ST3GAL1: variants seen among roughly 807,000 people sequenced by gnomAD.
The protein encoded by ST3GAL1 is CMP-N-acetylneuraminate-beta-galactosamide-alpha-2,3-sialyltransferase 1.
In ST3GAL1, 16 loss-of-function variants were observed where a neutral mutation model predicts 34.1. The ratio of observed to expected loss-of-function variants is 0.47; its 90% CI spans 0.32 to 0.71. ST3GAL1 has a LOEUF of 0.71. ST3GAL1 is among the 30% of genes least tolerant of loss of function. ST3GAL1 has a pLI of 0.04. For synonymous variants in ST3GAL1, 191 were observed against 184.7 expected (o/e 1.03, Z -0.28); for missense variants, 353 against 447.4 (o/e 0.79, Z 1.90).
intron 2 of ST3GAL1, among the ~76,000 whole-genome samples, chr8:133,542,779 C>CAAAAA (rs35321251): frequency 8.2e-5 from 7 of 85,508 alleles, no homozygotes; most frequent in African/African-American, 2.3e-4. Context: ...TCCTCCATCT[C>CAAAAA]AAAAAAAAAA....
chr8:133,551,708 A>T (rs1021161070), intron 1 of ST3GAL1, among the ~76,000 whole-genome samples: 1 of 152,252 alleles, frequency 6.6e-6, no homozygotes, highest in African/African-American at 2.4e-5. Flanking sequence ...TCTGATAAGA[A>T]GTAAGTGAAT....
At chr8:133,522,399 G>A (rs1044970333) in intron 2 of ST3GAL1, among the ~76,000 whole-genome samples, 3 of 152,292 alleles carry the variant, frequency 2.0e-5, no homozygotes, top group Non-Finnish European at 4.4e-5. Flanking sequence ...CCCCATCACA[G>A]GCACAGTGTG....
intron 6 of ST3GAL1, among the ~76,000 whole-genome samples, chr8:133,465,238 T>C (rs895961178): frequency 1.3e-5 from 2 of 152,108 alleles, no homozygotes; most frequent in Admixed American, 6.5e-5. Flanking sequence ...CAGCCCTTTT[T>C]TTGCAGTCAA....
At chr8:133,510,828 G>A (rs1459549786) in intron 2 of ST3GAL1, among the ~76,000 whole-genome samples, 1 of 152,180 alleles carries the variant, frequency 6.6e-6, no homozygotes, top group Non-Finnish European at 1.5e-5. Flanking sequence ...ACCCCATGGT[G>A]GCCACCATAA....
intron 3 of ST3GAL1, among the ~76,000 whole-genome samples, chr8:133,486,243 G>A (rs530769782): frequency 6.6e-6 from 1 of 152,326 alleles, no homozygotes; most frequent in South Asian, 2.1e-4. Flanking sequence ...CCTGCCCTGG[G>A]CCTCCTTGCT....
At chr8:133,504,594 C>T (rs1023823156) in intron 2 of ST3GAL1, among the ~76,000 whole-genome samples, 8 of 152,120 alleles carry the variant, frequency 5.3e-5, no homozygotes, top group Admixed American at 4.6e-4. Flanking sequence ...TGTTTTTCCC[C>T]CAAGTCCTGA....
intron 5 of ST3GAL1, among the ~76,000 whole-genome samples, chr8:133,472,399 C>T (rs1482710785): frequency 6.6e-6 from 1 of 152,142 alleles, no homozygotes; most frequent in East Asian, 1.9e-4. Context: ...TTAATTATCT[C>T]CCACCAGGTC....
intron 2 of ST3GAL1, among the ~76,000 whole-genome samples, chr8:133,501,684 G>A (rs1349525173): frequency 1.3e-5 from 2 of 152,182 alleles, no homozygotes; most frequent in African/African-American, 2.4e-5. Flanking sequence ...AGGAGGTGGA[G>A]GTTGCAGTGA....
rs1220328966 is a variant in ST3GAL1, at chr8:133,570,361, G to T, written c.-582+1332C>A. 2 of 152,304 alleles carry T rather than the reference G, an allele frequency of 1.3e-5. No individual in the cohort carries two copies. The highest frequency in any genetic ancestry group is 4.8e-5 in the African/African-American group (2 of 41,480). The allele number at this position is 152,304 out of a possible 1,614,324, so 9.4% of individuals were successfully genotyped here. On this transcript the variant is annotated intron_variant, in intron 1 of 9. Transcript: ENST00000522652. This position sits in a 1 kb window ranked among gnomAD's most constrained non-coding sequence, Gnocchi z 5.6. The stretch of plus-strand genomic sequence containing the variant: ...CGGCGAGCCAGTCACTGCCCTCAGG[G>T]TCACGGCTGACTCCCTCTGCGGGAC...
intron 2 of ST3GAL1, among the ~76,000 whole-genome samples, chr8:133,530,562 C>T (rs967218955): frequency 6.6e-6 from 1 of 152,186 alleles, no homozygotes; most frequent in Non-Finnish European, 1.5e-5. Flanking sequence ...GGATTACAGA[C>T]ATGTGCCACC....
chr8:133,472,987 C>T (rs759682041), intron 5 of ST3GAL1, among the ~76,000 whole-genome samples: 6 of 152,046 alleles, frequency 3.9e-5, no homozygotes, highest in African/African-American at 7.2e-5. Flanking sequence ...CCATGTAACA[C>T]GAAGGAGGCT....
chr8:133,487,729 G>A (rs1223889062), intron 3 of ST3GAL1, among the ~76,000 whole-genome samples: 2 of 152,184 alleles, frequency 1.3e-5, no homozygotes, highest in Non-Finnish European at 2.9e-5. Context: ...AGCACTTTGG[G>A]AGGCTAAGGA....
At chr8:133,552,971 T>C (rs1818903715) in intron 1 of ST3GAL1, among the ~76,000 whole-genome samples, 1 of 152,162 alleles carries the variant, frequency 6.6e-6, no homozygotes, top group Non-Finnish European at 1.5e-5. Flanking sequence ...TGAAAGAGTA[T>C]AATTTGCCCA....
At chr8:133,480,708 C>G (rs538413732) in intron 3 of ST3GAL1, among the ~76,000 whole-genome samples, 1 of 152,238 alleles carries the variant, frequency 6.6e-6, no homozygotes, top group African/African-American at 2.4e-5. Flanking sequence ...GTAGCAAAGG[C>G]AGACTCCTGC....
chr8:133,555,561 A>T (rs1368343035), intron 1 of ST3GAL1, among the ~76,000 whole-genome samples: 1 of 152,208 alleles, frequency 6.6e-6, no homozygotes, highest in Non-Finnish European at 1.5e-5. Context: ...CCTAAAAAAA[A>T]AGAAAGGAGG....
intron 2 of ST3GAL1, among the ~76,000 whole-genome samples, chr8:133,529,315 C>T (rs16904937): frequency 0.16 from 24,322 of 152,236 alleles, 2,161 homozygotes; most frequent in East Asian, 0.27. Flanking sequence ...AGAGAGGATG[C>T]GGCAGTTCTG....
chr8:133,547,097 C>G (rs1442155656), intron 1 of ST3GAL1, among the ~76,000 whole-genome samples: 1 of 152,052 alleles, frequency 6.6e-6, no homozygotes, highest in Admixed American at 6.6e-5. Context: ...CCAATTTGTT[C>G]AGGCCACCTG....
At chr8:133,477,759 G>A (rs1816234540) in intron 3 of ST3GAL1, among the ~76,000 whole-genome samples, 1 of 152,062 alleles carries the variant, frequency 6.6e-6, no homozygotes, top group South Asian at 2.1e-4. Flanking sequence ...CTGCCCTGGA[G>A]CGTGGTCTTT....
chr8:133,464,633 A>G (rs936550302), intron 7 of ST3GAL1, 145 bp downstream of exon 7: 20 of 813,794 alleles, frequency 2.5e-5, no homozygotes, highest in Non-Finnish European at 3.8e-5. Context: ...GGAGGCGGCC[A>G]CGGGAACTGG....
Sources: allele counts gnomAD v4.1 joint callset (sites outside exome capture counted in the v4.1 genomes callset), GRCh38; gene constraint gnomAD v4.1.1; non-coding constraint Gnocchi (gnomAD v3.1); transcripts MANE v1.5; gene names NCBI Gene and HGNC (gene_info 2026-07-23, HGNC 2026-07-21).